The following COL4A3 variants were observed in gnomAD, a reference collection of about 807,000 sequenced individuals.
The protein encoded by COL4A3 is collagen type IV alpha 3 chain.
COL4A3 carries 135 observed loss-of-function variants against 217.4 expected under a neutral mutation model. That is an observed-to-expected ratio of 0.62 (90% confidence interval 0.54 to 0.72). The LOEUF is 0.72. COL4A3 is among the 30% of genes least tolerant of loss of function. The probability of loss-of-function intolerance (pLI) is 0.00; values close to 1 mark genes in which losing one functional copy is unlikely to be tolerated. For synonymous variants in COL4A3, 690 were observed against 736.3 expected (o/e 0.94, Z 1.02); for missense variants, 1,868 against 2,119.9 (o/e 0.88, Z 2.33).
intron 41 of COL4A3, among the ~76,000 whole-genome samples, chr2:227,297,197 A>G (rs1439839627): frequency 6.6e-6 from 1 of 152,230 alleles, no homozygotes; most frequent in African/African-American, 2.4e-5. Flanking sequence ...CTTCAAATGC[A>G]CACATCAGTG....
At chr2:227,270,558 G>C (rs1051437216) in intron 24 of COL4A3, among the ~76,000 whole-genome samples, 2 of 152,076 alleles carry the variant, frequency 1.3e-5, no homozygotes, top group Non-Finnish European at 2.9e-5. Context: ...GTATTGCTTT[G>C]AATTATACTA....
At chr2:227,236,758 C>T (rs36053744) in intron 1 of COL4A3, among the ~76,000 whole-genome samples, 1 of 151,414 alleles carries the variant, frequency 6.6e-6, no homozygotes, top group Non-Finnish European at 1.5e-5. Flanking sequence ...CTCCTGGGTT[C>T]AAGCCATTCT....
In COL4A3 at chr2:227,269,906, G is replaced by T. The variant is rs370180728; in HGVS notation, c.1505-4G>T. ...GAGTTAGTTAATAATTCGTTGATTT[G>T]CAGGAAGACAAGGCGCAGCTGGCTT... On this transcript the variant is annotated splice_polypyrimidine_tract_variant and splice_region_variant and intron_variant, in intron 23 of 51. Coordinates refer to ENST00000396578, the MANE Select transcript of COL4A3 (RefSeq NM_000091.5). The T allele has an allele frequency of 1.2e-5, 20 of 1,613,430 alleles. No individual in the cohort carries two copies. The African/African-American group carries it at 2.1e-4, about 17-fold the overall frequency.
At chr2:227,247,315 G>GGGCA (rs2125913410) in intron 7 of COL4A3, among the ~76,000 whole-genome samples, 1 of 152,288 alleles carries the variant, frequency 6.6e-6, no homozygotes, top group Admixed American at 6.5e-5. Context: ...ATGGAGCAGG[G>GGGCA]GGCAGATTTG....
At chr2:227,295,761 T>C (rs1163273688) in intron 41 of COL4A3, among the ~76,000 whole-genome samples, 3 of 152,196 alleles carry the variant, frequency 2.0e-5, no homozygotes, top group Non-Finnish European at 4.4e-5. Context: ...GTCCATGCTA[T>C]TGTTTATTAA....
chr2:227,296,934 GA>G (rs1488164321), intron 41 of COL4A3, among the ~76,000 whole-genome samples: 3 of 152,196 alleles, frequency 2.0e-5, no homozygotes, highest in Non-Finnish European at 4.4e-5. Flanking sequence ...ACAGAGATGG[GA>G]GAGCAGAGGG....
chr2:227,243,735 T>C lies in COL4A3; in HGVS notation c.235-585T>C, dbSNP rs745354383. 9.9e-5 allele frequency among the ~76,000 whole-genome samples: 15 copies of C among 152,256 alleles called. No homozygotes were observed. The East Asian group carries it at 1.2e-3, about 12-fold the overall frequency. On this transcript the variant is annotated intron_variant, in intron 3 of 51. Transcript: ENST00000396578. ...CCATTTAAGCTTATTCTCCAAGAAA[T>C]AGGACGTCGAAACTGAATGCATTAC...
chr2:227,267,906 G>A (rs929113106), intron 23 of COL4A3, among the ~76,000 whole-genome samples: 16 of 152,042 alleles, frequency 1.1e-4, no homozygotes, highest in Non-Finnish European at 1.8e-4. Flanking sequence ...CACACCACAC[G>A]GTTACTCCCG....
intron 1 of COL4A3, among the ~76,000 whole-genome samples, chr2:227,198,640 T>C (rs993635954): frequency 6.6e-6 from 1 of 152,076 alleles, no homozygotes; most frequent in Non-Finnish European, 1.5e-5. Flanking sequence ...TGAAAATGAA[T>C]GGGAAAAAAA....
intron 3 of COL4A3, among the ~76,000 whole-genome samples, chr2:227,240,615 C>T (rs1199050005): frequency 1.3e-5 from 2 of 151,968 alleles, no homozygotes; most frequent in African/African-American, 4.9e-5. Flanking sequence ...CCCCTCTCTC[C>T]GGACATTCCA....
chr2:227,239,903 A>G (rs2068920294), intron 2 of COL4A3, among the ~76,000 whole-genome samples: 1 of 152,146 alleles, frequency 6.6e-6, no homozygotes, highest in Admixed American at 6.5e-5. Context: ...GAGAAAGTCA[A>G]GTTTCTACAA....
chr2:227,297,764 G>A lies in COL4A3; in HGVS notation c.3656G>A (p.Gly1219Asp). 1 of 1,597,270 alleles carries A rather than the reference G, an allele frequency of 6.3e-7. No homozygotes were observed. Among genetic ancestry groups the A allele is most frequent in the Non-Finnish European group, 8.5e-7 (1 of 1,172,210 alleles). ...MGDAGPRGPT[G>D]IEGFPGPPGL... ...GATGCTGGACCTCGAGGACCCACAG[G>A]CATAGAAGGATTCCCAGGGCCACCA... is the stretch of plus-strand genomic sequence containing the variant. Residue 1219 changes from glycine (G) to aspartate (D), a missense_variant, in exon 42 of 52, where the codon GGC (glycine) becomes GAC (aspartate). Physicochemically the swap from Gly to Asp is moderately conservative, Grantham distance 94 (BLOSUM62 -1). Transcript: ENST00000396578.
intron 1 of COL4A3, among the ~76,000 whole-genome samples, chr2:227,203,084 T>TATATATAC (rs1553738851): frequency 5.5e-5 from 1 of 18,190 alleles, no homozygotes; most frequent in African/African-American, 3.7e-4. Context: ...TATATATGTG[T>TATATATAC]ATATATGTGT....
intron 1 of COL4A3, among the ~76,000 whole-genome samples, chr2:227,204,677 G>A (rs12467904): frequency 0.047 from 7,186 of 152,244 alleles, 304 homozygotes; most frequent in Non-Finnish European, 0.061. Context: ...CAAGTAGCCA[G>A]GGATTTTCAA....
At position 227,263,765 on chromosome 2, in the gene COL4A3, A is replaced by T. The variant is rs765764813; in HGVS notation, c.1151-15A>T. ...GAAAAAATGTAAAATACAAGAAATG[A>T]TTATTTTCTCCAAGGATCATCAAGG... On this transcript the variant is annotated splice_polypyrimidine_tract_variant and intron_variant, in intron 20 of 51. Coordinates refer to ENST00000396578, the MANE Select transcript of COL4A3 (RefSeq NM_000091.5). 1 of 1,610,126 alleles carries T rather than the reference A, an allele frequency of 6.2e-7. No individual in the cohort carries two copies. Among genetic ancestry groups the T allele is most frequent in the South Asian group, 1.1e-5 (1 of 90,632 alleles).
chr2:227,298,664 G>T lies in COL4A3; in HGVS notation c.3752-18G>T. 1 of 1,613,476 alleles carries T rather than the reference G, an allele frequency of 6.2e-7. No homozygotes were observed. The highest frequency in any genetic ancestry group is 1.1e-5 in the South Asian group (1 of 90,992). ...AGCTCCCTGGCTGGCAATACTGACAGACTTTTCATGAATTCAGGTGCGCCT... is the reference window on the plus strand; with the variant it reads ...AGCTCCCTGGCTGGCAATACTGACATACTTTTCATGAATTCAGGTGCGCCT... On this transcript the variant is annotated intron_variant, in intron 42 of 51. Transcript: ENST00000396578.
chr2:227,304,106 A>G lies in COL4A3; in HGVS notation c.4115A>G (p.Gln1372Arg), dbSNP rs1203857767. 13 of 1,614,038 alleles carry G rather than the reference A, an allele frequency of 8.1e-6. No homozygotes were observed. Among genetic ancestry groups the G allele is most frequent in the Non-Finnish European group, 1.1e-5 (13 of 1,180,008 alleles). The change falls in exon 46 of 52, where the codon CAG becomes CGG. Residue 1372 changes from glutamine (Q) to arginine (R), a missense_variant. Physicochemically the swap from Gln to Arg is conservative, Grantham distance 43. This residue lies in a region of COL4A3 where 1,503 missense variants were observed against 1,786.1 expected (regional missense o/e 0.84). Transcript: ENST00000396578. Reference protein sequence around the residue: ...PPGTPGEPGMQGEPGPPGPPG... With the variant: ...PPGTPGEPGMRGEPGPPGPPG... Reference sequence around the variant, plus strand: ...GGCACACCTGGAGAACCAGGGATGCAGGGAGAACCTGGGCCACCAGGGCCA... The same window carrying G: ...GGCACACCTGGAGAACCAGGGATGCGGGGAGAACCTGGGCCACCAGGGCCA...
At chr2:227,207,155 C>T (rs2067132505) in intron 1 of COL4A3, among the ~76,000 whole-genome samples, 1 of 152,160 alleles carries the variant, frequency 6.6e-6, no homozygotes. Context: ...AACCCTATCC[C>T]TTTCCACTCG....
chr2:227,293,224 A>G lies in COL4A3; in HGVS notation c.3244A>G (p.Lys1082Glu). Reference sequence around the variant, plus strand: ...AGGACTGCCGGGTGATATGGGAAAGAAAGGAGAAATGGGGCAACCTGGCCC... The same window carrying G: ...AGGACTGCCGGGTGATATGGGAAAGGAAGGAGAAATGGGGCAACCTGGCCC... ...DPGLPGDMGKKGEMGQPGPPG... is the reference protein window; with the variant it reads ...DPGLPGDMGKEGEMGQPGPPG... The change falls in exon 38 of 52, where the codon AAA (lysine) becomes GAA (glutamate). Residue 1082 changes from lysine (K) to glutamate (E), a missense_variant. Lys to Glu is a moderately conservative substitution (Grantham distance 56). This residue lies in a region of COL4A3 where 1,503 missense variants were observed against 1,786.1 expected (regional missense o/e 0.84). Coordinates refer to ENST00000396578, the MANE Select transcript of COL4A3 (RefSeq NM_000091.5). The G allele has an allele frequency of 5.6e-6, 9 of 1,614,000 alleles. No individual in the cohort carries two copies. Among genetic ancestry groups the G allele is most frequent in the Non-Finnish European group, 7.6e-6 (9 of 1,180,036 alleles).
Sources: gnomAD v4.1 joint callset for allele counts (sites outside exome capture counted in the v4.1 genomes callset) on GRCh38, gnomAD v4.1.1 for gene constraint, gnomAD v4.1.1 regional missense constraint, MANE v1.5 for transcripts, NCBI Gene and HGNC (gene_info 2026-07-23, HGNC 2026-07-21) for gene names.